Variants in BABAM2 observed in about 807,000 individuals in gnomAD.
BABAM2 encodes BRISC and BRCA1-A complex member 2.
In BABAM2, 31 loss-of-function variants were observed where a neutral mutation model predicts 54.7. The observed-to-expected ratio is 0.57, with a 90% CI of 0.43 to 0.77. The LOEUF is 0.77. Among genes scored for constraint, BABAM2 ranks in the 30% least tolerant of loss-of-function variants. The pLI is 0.00. For synonymous variants in BABAM2, 167 were observed against 162.9 expected (o/e 1.03, Z -0.19); for missense variants, 364 against 455.8 (o/e 0.80, Z 1.83).
chr2:28,179,153 C>T (rs1169761101), intron 7 of BABAM2, among the ~76,000 whole-genome samples: 1 of 152,102 alleles, frequency 6.6e-6, no homozygotes, highest in Non-Finnish European at 1.5e-5. Context: ...CCAGCATTAC[C>T]CTGATACCAA....
At chr2:28,189,485 T>A (rs1272437181) in intron 7 of BABAM2, among the ~76,000 whole-genome samples, 9 of 152,190 alleles carry the variant, frequency 5.9e-5, no homozygotes, top group African/African-American at 2.2e-4. Context: ...CACATGGTAG[T>A]TGCACAGAAA....
At chr2:28,193,119 G>A (rs1018308638) in intron 7 of BABAM2, among the ~76,000 whole-genome samples, 2 of 152,024 alleles carry the variant, frequency 1.3e-5, no homozygotes, top group African/African-American at 4.8e-5. Context: ...GCAGTGAGCC[G>A]AGATCATGCC....
At chr2:28,111,132 CTATTTTTTTTTTTTTTTG>C (rs375126667) in intron 6 of BABAM2, among the ~76,000 whole-genome samples, 14,289 of 147,140 alleles carry the variant, frequency 0.097, 1,204 homozygotes, top group African/African-American at 0.23. Context: ...CCACGCCTGG[CTATTTTTTTTTTTTTTTG>C]TATTTTTTTT....
chr2:27,960,273 G>A lies in BABAM2; in HGVS notation c.206-27720G>A, dbSNP rs139336327. On this transcript the variant is annotated intron_variant, in intron 3 of 11. Transcript: ENST00000379624. The stretch of plus-strand genomic sequence containing the variant: ...CACAAAGTTTGTGAAGGCGGGTGGA[G>A]TTTTGCACAGACTTCCAAGCACTAT... Among the ~76,000 whole-genome samples the A allele has an allele frequency of 3.6e-3, 541 of 152,240 alleles. 2 individuals carry two copies. The highest frequency in any genetic ancestry group is 0.012 in the African/African-American group (515 of 41,538).
chr2:28,230,327 A>G (rs986164848), intron 7 of BABAM2, among the ~76,000 whole-genome samples: 1 of 152,090 alleles, frequency 6.6e-6, no homozygotes, highest in African/African-American at 2.4e-5. Context: ...AAGGACTGAC[A>G]CTCTTGAGAT....
chr2:28,307,548 G>T (rs968438824), intron 11 of BABAM2: 2 of 151,680 alleles, frequency 1.3e-5, no homozygotes, highest in African/African-American at 4.8e-5. Flanking sequence ...AAAATACACC[G>T]TTAACTTATC....
intron 7 of BABAM2, among the ~76,000 whole-genome samples, chr2:28,146,683 C>G (rs933453789): frequency 2.6e-5 from 4 of 152,160 alleles, no homozygotes; most frequent in Non-Finnish European, 4.4e-5. Flanking sequence ...GTTGCCCAGT[C>G]TCTTGGATCT....
intron 7 of BABAM2, among the ~76,000 whole-genome samples, chr2:28,163,487 G>T (rs764849514): frequency 6.6e-6 from 1 of 152,146 alleles, no homozygotes; most frequent in Non-Finnish European, 1.5e-5. Flanking sequence ...TACACATGGT[G>T]CTGGGGACAA....
intron 7 of BABAM2, among the ~76,000 whole-genome samples, chr2:28,194,001 C>T (rs550968682): frequency 9.2e-5 from 14 of 152,136 alleles, no homozygotes; most frequent in Non-Finnish European, 1.6e-4. Context: ...CCTGGGAAGA[C>T]CCCGTAACCA....
At chr2:28,124,367 A>T (rs944668707) in intron 6 of BABAM2, among the ~76,000 whole-genome samples, 7 of 152,144 alleles carry the variant, frequency 4.6e-5, no homozygotes, top group Admixed American at 3.9e-4. Flanking sequence ...TACAATTTTC[A>T]TTCTCATTTT....
intron 7 of BABAM2, among the ~76,000 whole-genome samples, chr2:28,171,115 A>ATT (rs1055877477): frequency 6.6e-6 from 1 of 150,546 alleles, no homozygotes; most frequent in South Asian, 2.1e-4. Flanking sequence ...TTTTTAAAAT[A>ATT]TATATATATA....
At chr2:27,945,799 G>GT (rs35951387) in intron 3 of BABAM2, among the ~76,000 whole-genome samples, 2,253 of 138,980 alleles carry the variant, frequency 0.016, 48 homozygotes, top group African/African-American at 0.045. Flanking sequence ...TAGTAGTGTG[G>GT]TTTTTTTTTT....
At chr2:28,280,318 C>T (rs1686244506) in intron 10 of BABAM2, among the ~76,000 whole-genome samples, 1 of 152,054 alleles carries the variant, frequency 6.6e-6, no homozygotes, top group African/African-American at 2.4e-5. Flanking sequence ...TTTAGCCTCC[C>T]AAAGTGCTGG....
Position 27,894,780 on chromosome 2 carries a change from C to A in BABAM2, c.128+96C>A, listed in dbSNP as rs1278847134. 2.9e-6 allele frequency: 4 copies of A among 1,401,186 alleles called. No homozygotes were observed. The South Asian group carries it at 3.9e-5, about 14-fold the overall frequency. The allele number at this position is 1,401,186 out of a possible 1,614,324, so 86.8% of individuals were successfully genotyped here. ...TACCAGACTCATAAAAATTGACTGCCACAGAAACCCACCAAGTCATCATCT... is the reference window on the plus strand; with the variant it reads ...TACCAGACTCATAAAAATTGACTGCAACAGAAACCCACCAAGTCATCATCT... On this transcript the variant is annotated intron_variant, in intron 2 of 11. Transcript: ENST00000379624.
intron 6 of BABAM2, among the ~76,000 whole-genome samples, chr2:28,077,912 C>T (rs894875872): frequency 6.6e-6 from 1 of 152,158 alleles, no homozygotes; most frequent in Non-Finnish European, 1.5e-5. Context: ...CACTTGGTTT[C>T]TGGCTTAAGT....
At chr2:27,994,646 C>T (rs1004001658) in intron 4 of BABAM2, among the ~76,000 whole-genome samples, 9 of 152,318 alleles carry the variant, frequency 5.9e-5, no homozygotes, top group African/African-American at 2.2e-4. Context: ...TGTTCATGCT[C>T]ATTGCTGATA....
intron 7 of BABAM2, among the ~76,000 whole-genome samples, chr2:28,190,796 G>T (rs1380752575): frequency 1.2e-4 from 19 of 152,158 alleles, no homozygotes. Context: ...TCACCTGAGG[G>T]TTAGGATTTC....
chr2:28,071,144 T>C (rs961076101), intron 6 of BABAM2, among the ~76,000 whole-genome samples: 1 of 152,188 alleles, frequency 6.6e-6, no homozygotes, highest in South Asian at 2.1e-4. Context: ...CCATTCTGAC[T>C]GTTAGGAAGA....
At chr2:27,905,451 CATTAATGACCTT>C (rs1666122169) in intron 2 of BABAM2, among the ~76,000 whole-genome samples, 2 of 151,988 alleles carry the variant, frequency 1.3e-5, no homozygotes, top group South Asian at 4.2e-4. Context: ...ATGGGGATGG[CATTAATGACCTT>C]ATTAAGTAGT....
Sources: allele counts gnomAD v4.1 joint callset (sites outside exome capture counted in the v4.1 genomes callset), GRCh38; gene constraint gnomAD v4.1.1; transcripts MANE v1.5; gene names NCBI Gene and HGNC (gene_info 2026-07-23, HGNC 2026-07-21).